The following CCDC186 variants were observed in gnomAD, a reference collection of about 807,000 sequenced individuals.
CCDC186 encodes the protein coiled-coil domain containing 186.
In CCDC186, 49 loss-of-function variants were observed where a neutral mutation model predicts 113.7. That is an observed-to-expected ratio of 0.43 (90% CI 0.34 to 0.55). The LOEUF is 0.55. CCDC186 is among the 20% of genes least tolerant of loss of function. The pLI, the probability that CCDC186 is intolerant of heterozygous loss-of-function variation, is 0.02. For missense variants in CCDC186, 890 were observed against 1,011.1 expected (o/e 0.88, Z 1.62); for synonymous variants, 355 against 345.8 (o/e 1.03, Z -0.30).
At chr10:114,148,217 C>A (rs1460350891) in intron 4 of CCDC186, among the ~76,000 whole-genome samples, 1 of 152,146 alleles carries the variant, frequency 6.6e-6, no homozygotes, top group East Asian at 1.9e-4. Context: ...ATGGGGTCAT[C>A]CATAGATCAA....
chr10:114,131,778 G>GA (rs2031096260), intron 11 of CCDC186, 151 bp downstream of exon 11: 1 of 548,278 alleles, frequency 1.8e-6, no homozygotes. Context: ...AACAGTTGAG[G>GA]AAAAACTGAC....
intron 6 of CCDC186, among the ~76,000 whole-genome samples, chr10:114,140,255 A>T (rs79579537): frequency 2.0e-5 from 3 of 152,350 alleles, no homozygotes; most frequent in Non-Finnish European, 4.4e-5. Flanking sequence ...TAGATAGAAT[A>T]CCTGGGGAAA....
chr10:114,138,122 C>A (rs2031336400), intron 6 of CCDC186, among the ~76,000 whole-genome samples: 1 of 136,556 alleles, frequency 7.3e-6, no homozygotes, highest in South Asian at 2.4e-4. Flanking sequence ...CACCTGTAAT[C>A]CCAGCTACTC....
rs139784147 is a variant in CCDC186, at chr10:114,137,564, C to T, written c.1222-274G>A. 7.8e-3 allele frequency among the ~76,000 whole-genome samples: 1,182 copies of T among 152,298 alleles called. 7 individuals are homozygous for T. Among genetic ancestry groups the T allele is most frequent in the Non-Finnish European group, 0.012 (832 of 68,018 alleles). On this transcript the variant is annotated intron_variant, in intron 6 of 15. Transcript: ENST00000369287. ...CAAAGTGTTAAGTTCTTTGTACACA[C>T]ACATCAAAGACAATTCTTTGGTTTA...
intron 3 of CCDC186, among the ~76,000 whole-genome samples, chr10:114,152,046 T>A (rs1208478457): frequency 2.0e-5 from 3 of 152,158 alleles, no homozygotes; most frequent in African/African-American, 7.2e-5. Context: ...AAGTACTTTG[T>A]TAAGACGGGA....
In CCDC186 at chr10:114,125,907, T is replaced by G; in HGVS notation, c.2592A>C (p.Leu864Phe). ...ATACCTTCAAAGTAATATTTTTTAG[T>G]AACGTATCCTCCAAAACAGCCTGTA... ...RKLQAVLEDT[L>F]LKNITLKENL... Residue 864 changes from leucine (L) to phenylalanine (F), a missense_variant, in exon 15 of 16, where the codon TTA becomes TTC. Leu to Phe is a conservative substitution (Grantham distance 22). Coordinates refer to ENST00000369287, the MANE Select transcript of CCDC186 (RefSeq NM_018017.4). 1 of 1,613,868 alleles carries G rather than the reference T, an allele frequency of 6.2e-7. No homozygotes were observed. Among genetic ancestry groups the G allele is most frequent in the Non-Finnish European group, 8.5e-7 (1 of 1,179,828 alleles).
intron 10 of CCDC186, 106 bp from the exon 11 acceptor site, chr10:114,132,290 T>G: frequency 1.2e-6 from 1 of 804,004 alleles, no homozygotes; most frequent in Non-Finnish European, 1.8e-6. Context: ...GGTACTTCTA[T>G]TCATTCATCC....
chr10:114,139,586 AAAAC>A (rs1471631421), intron 6 of CCDC186, among the ~76,000 whole-genome samples: 2 of 152,084 alleles, frequency 1.3e-5, no homozygotes, highest in East Asian at 3.9e-4. Flanking sequence ...AAAAGAAAAA[AAAAC>A]AAAAATAAAC....
At chr10:114,172,293 T>A (rs936461876) in intron 1 of CCDC186, among the ~76,000 whole-genome samples, 1 of 152,246 alleles carries the variant, frequency 6.6e-6, no homozygotes, top group African/African-American at 2.4e-5. Context: ...TGTCTCTTCC[T>A]GGAGTCAGTA....
rs2032232314 is a variant in CCDC186 at position 114,163,194 on chromosome 10, G to A, written c.75C>T (p.Asp25=). 1 of 1,613,902 alleles carries A rather than the reference G, an allele frequency of 6.2e-7. No individual in the cohort carries two copies. Among genetic ancestry groups the A allele is most frequent in the South Asian group, 1.1e-5 (1 of 91,084 alleles). Residue 25 remains aspartate (D), a synonymous_variant, in exon 2 of 16, where the codon GAC becomes GAT. Coordinates refer to ENST00000369287, the MANE Select transcript of CCDC186 (RefSeq NM_018017.4). ...NVGKTPELKE[D]SCNLFSGNES... ...CATTGCCAGAAAACAAGTTGCATGA[G>A]TCTTCCTTTAATTCAGGTGTTTTCC...
At chr10:114,158,459 T>C (rs2032073661) in intron 2 of CCDC186, among the ~76,000 whole-genome samples, 1 of 152,332 alleles carries the variant, frequency 6.6e-6, no homozygotes, top group East Asian at 1.9e-4. Context: ...ACACTTGCTA[T>C]TGGCTAAATT....
chr10:114,160,693 A>G (rs1372715740), intron 2 of CCDC186, among the ~76,000 whole-genome samples: 1 of 152,238 alleles, frequency 6.6e-6, no homozygotes, highest in African/African-American at 2.4e-5. Context: ...AAATGAGGGA[A>G]TGTATAAACA....
At chr10:114,127,316 G>C in intron 14 of CCDC186, 145 bp downstream of exon 14, 1 of 727,906 alleles carries the variant, frequency 1.4e-6, no homozygotes, top group Middle Eastern at 3.9e-4. Context: ...GAACATAATA[G>C]GTGACCATAA....
intron 4 of CCDC186, among the ~76,000 whole-genome samples, chr10:114,150,735 G>C (rs1330445825): frequency 6.6e-6 from 1 of 152,018 alleles, no homozygotes; most frequent in Non-Finnish European, 1.5e-5. Context: ...TGCAACCTCC[G>C]CCTCCCGGGT....
chr10:114,130,138 G>A, intron 12 of CCDC186, 167 bp from the exon 13 acceptor site: 3 of 494,022 alleles, frequency 6.1e-6, no homozygotes, highest in Admixed American at 3.9e-5. Context: ...AATGTCATTT[G>A]GAAATGTAAA....
At position 114,163,181 on chromosome 10, in the gene CCDC186, A is replaced by G. The variant is rs1311446700; in HGVS notation, c.88T>C (p.Phe30Leu). Residue 30 changes from phenylalanine to leucine, a missense_variant, in exon 2 of 16, where the codon TTT becomes CTT. Transcript: ENST00000369287. The stretch of plus-strand genomic sequence containing the variant: ...AATTTGCTGCTTTCATTGCCAGAAA[A>G]CAAGTTGCATGAGTCTTCCTTTAAT... ...PELKEDSCNLFSGNESSKLEN... is the reference protein window; with the variant it reads ...PELKEDSCNLLSGNESSKLEN... 1 of 1,614,038 alleles carries G rather than the reference A, an allele frequency of 6.2e-7. No homozygotes were observed. Among genetic ancestry groups the G allele is most frequent in the Admixed American group, 1.7e-5 (1 of 60,036 alleles).
At chr10:114,144,064 ATT>A (rs2031558892) in intron 6 of CCDC186, among the ~76,000 whole-genome samples, 1 of 151,966 alleles carries the variant, frequency 6.6e-6, no homozygotes, top group Non-Finnish European at 1.5e-5. Flanking sequence ...AAGAATGTAT[ATT>A]TTTTGAGTAT....
chr10:114,145,248 G>C (rs1010281057), intron 5 of CCDC186, among the ~76,000 whole-genome samples: 8 of 152,030 alleles, frequency 5.3e-5, no homozygotes, highest in Non-Finnish European at 1.0e-4. Flanking sequence ...CTTCCCTTGA[G>C]ATGCAAATTT....
chr10:114,150,270 T>C (rs1045888772), intron 4 of CCDC186, among the ~76,000 whole-genome samples: 6 of 152,236 alleles, frequency 3.9e-5, no homozygotes, highest in Non-Finnish European at 5.9e-5. Context: ...GACAAAGACG[T>C]CATCCATAAA....
Sources: gnomAD v4.1 joint callset for allele counts (sites outside exome capture counted in the v4.1 genomes callset) on GRCh38, gnomAD v4.1.1 for gene constraint, MANE v1.5 for transcripts, NCBI Gene and HGNC (gene_info 2026-07-23, HGNC 2026-07-21) for gene names.